The following NRCAM variants were observed in gnomAD, a reference collection of about 807,000 sequenced individuals.
NRCAM encodes the protein NgCAM-related cell adhesion molecule.
NRCAM carries 83 observed loss-of-function variants against 156.5 expected under a neutral mutation model. That is an observed-to-expected ratio of 0.53 (90% CI 0.44 to 0.64). The LOEUF (loss-of-function observed/expected upper bound fraction) is 0.64. Ranked by LOEUF, NRCAM falls within the 30% of genes least tolerant of loss-of-function variation. The probability of loss-of-function intolerance (pLI) is 0.00; values close to 1 mark genes in which losing one functional copy is unlikely to be tolerated. For synonymous variants in NRCAM, 538 were observed against 563.9 expected (o/e 0.95, Z 0.65); for missense variants, 1,417 against 1,597.3 (o/e 0.89, Z 1.92).
Position 108,191,783 on chromosome 7 carries a change from C to T in NRCAM, c.1849G>A (p.Val617Met). The T allele has an allele frequency of 6.2e-7, 1 of 1,614,048 alleles. No homozygotes were observed. The change falls in exon 18 of 33, where the codon GTG (valine) becomes ATG (methionine). Residue 617 changes from valine to methionine, a missense_variant. Physicochemically the swap from Val to Met is conservative, Grantham distance 21. Transcript: ENST00000379028. The stretch of plus-strand genomic sequence containing the variant: ...ACGCTGTCCAGAGTGGTGTTGGCCA[C>T]ACACGTGTAGGTCCCGCTGTCATCG... ...SDDDSGTYTC[V>M]ANTTLDSVSA...
At chr7:108,243,366 G>T (rs772290898) in intron 3 of NRCAM, 1 of 152,336 alleles carries the variant, frequency 6.6e-6, no homozygotes, top group Middle Eastern at 3.4e-3. Flanking sequence ...TTCTCTCGAT[G>T]AGAGTAATGT....
At chr7:108,228,778 G>A (rs1018222699) in intron 8 of NRCAM, among the ~76,000 whole-genome samples, 8 of 152,072 alleles carry the variant, frequency 5.3e-5, no homozygotes, top group African/African-American at 9.7e-5. Context: ...AGTGGTATTC[G>A]GAGAGCATTA....
chr7:108,200,235 C>T (rs1023499054), intron 13 of NRCAM, among the ~76,000 whole-genome samples: 6 of 152,188 alleles, frequency 3.9e-5, no homozygotes, highest in Non-Finnish European at 8.8e-5. Flanking sequence ...CCTTAAGGAA[C>T]ATGTTCTTCC....
At chr7:108,190,092 T>C (rs1012530503) in intron 19 of NRCAM, among the ~76,000 whole-genome samples, 7 of 152,110 alleles carry the variant, frequency 4.6e-5, no homozygotes, top group African/African-American at 1.7e-4. Context: ...TAATTTCTAA[T>C]ACATGGGAAA....
chr7:108,184,289 A>T lies in NRCAM; in HGVS notation c.2256T>A (p.Ala752=). The change falls in exon 22 of 33, where the codon GCT becomes GCA. Residue 752 remains alanine, a synonymous_variant. Transcript: ENST00000379028. ...CAGGCTCTGATCCCAGTCCTTCCAC[A>T]GCTGTGGGGTTTTTATCTGGTTCTG... ...KASEPDKNPT[A]VEGLGSEPDN... is the part of the protein sequence containing the mutation. 2 of 1,614,140 alleles carry T rather than the reference A, an allele frequency of 1.2e-6. No homozygotes were observed. The highest frequency in any genetic ancestry group is 2.2e-5 in the South Asian group (2 of 91,082).
At chr7:108,271,295 T>C (rs1234219637) in intron 3 of NRCAM, among the ~76,000 whole-genome samples, 2 of 152,136 alleles carry the variant, frequency 1.3e-5, no homozygotes, top group African/African-American at 2.4e-5. Context: ...AAAGAGGCTC[T>C]TAAAAGGAAA....
chr7:108,315,516 T>C lies in NRCAM; in HGVS notation c.-173-2785A>G, dbSNP rs1456059487. Among the ~76,000 whole-genome samples the C allele has an allele frequency of 4.6e-5, 7 of 152,128 alleles. No individual in the cohort carries two copies. The East Asian group carries it at 1.2e-3, about 25-fold the overall frequency. ...AAAATACATTCCAAAAAACAGACAG[T>C]ATGGTCTGAGATAAAGCATGTTCTC... is the stretch of plus-strand genomic sequence containing the variant. On this transcript the variant is annotated intron_variant, in intron 2 of 32. Transcript: ENST00000379028.
intron 2 of NRCAM, among the ~76,000 whole-genome samples, chr7:108,326,688 G>A (rs2099072293): frequency 6.6e-6 from 1 of 152,270 alleles, no homozygotes; most frequent in South Asian, 2.1e-4. Flanking sequence ...TCAATATTGT[G>A]TAAGTAAACA....
At chr7:108,433,718 CCAT>C (rs1304373892) in intron 1 of NRCAM, among the ~76,000 whole-genome samples, 1 of 152,190 alleles carries the variant, frequency 6.6e-6, no homozygotes, top group Non-Finnish European at 1.5e-5. Flanking sequence ...TTGCCTCCCA[CCAT>C]GAGTGGAAGC....
In NRCAM at chr7:108,182,906, G is replaced by A. The variant is rs761612559; in HGVS notation, c.2319C>T (p.Phe773=). 8 of 1,614,004 alleles carry A rather than the reference G, an allele frequency of 5.0e-6. No individual in the cohort carries two copies. The highest frequency in any genetic ancestry group is 2.7e-5 in the African/African-American group (2 of 74,920). ...LVITWKPLNG[F]ESNGPGLQYK... ...ACTGAAGGCCTGGCCCATTAGATTC[G>A]AAACCATTCAAGGGCTACAAGGAAA... Residue 773 remains phenylalanine (F), a synonymous_variant, in exon 23 of 33, where the codon TTC becomes TTT. Coordinates refer to ENST00000379028, the MANE Select transcript of NRCAM (RefSeq NM_001037132.4).
intron 3 of NRCAM, among the ~76,000 whole-genome samples, chr7:108,245,462 C>T (rs910931365): frequency 1.3e-5 from 2 of 152,138 alleles, no homozygotes; most frequent in African/African-American, 2.4e-5. Context: ...CTACCACATG[C>T]GGGCCCTGGC....
chr7:108,174,964 T>G (rs1407373236), intron 28 of NRCAM, among the ~76,000 whole-genome samples: 4 of 152,212 alleles, frequency 2.6e-5, no homozygotes, highest in Non-Finnish European at 4.4e-5. Flanking sequence ...CAGGCTGTTT[T>G]CATCACAGGG....
At chr7:108,440,855 TG>T (rs571232471) in intron 1 of NRCAM, among the ~76,000 whole-genome samples, 1 of 152,220 alleles carries the variant, frequency 6.6e-6, no homozygotes, top group Non-Finnish European at 1.5e-5. Context: ...TGTGCTGAAC[TG>T]TTATCTAAAA....
chr7:108,311,767 G>A (rs10274696), intron 3 of NRCAM, among the ~76,000 whole-genome samples: 136,427 of 152,198 alleles, frequency 0.9, 61,221 homozygotes, highest in East Asian at 1. Flanking sequence ...CAATGGATCA[G>A]CCTAAGAATT....
intron 8 of NRCAM, among the ~76,000 whole-genome samples, chr7:108,227,215 G>A (rs982663294): frequency 9.9e-5 from 15 of 152,184 alleles, no homozygotes; most frequent in Non-Finnish European, 1.9e-4. Flanking sequence ...GATTAAGTGA[G>A]TAACCATCAG....
intron 1 of NRCAM, among the ~76,000 whole-genome samples, chr7:108,425,583 A>T (rs539000117): frequency 6.6e-6 from 1 of 152,362 alleles, no homozygotes. Context: ...TGCTGCCTCA[A>T]ATAATTATCC....
rs1312341716 is a variant in NRCAM, at chr7:108,150,000, T to C, written c.3825A>G (p.Gln1275=). ...QFNEDGSFIG[Q]YSGKKEKEPA... ...GCTCTTTCTCTTTCTTACCACTGTA[T>C]TGTCCAATAAAGGAGCCATCCTCAT... The change falls in exon 33 of 33, where the codon CAA becomes CAG. Residue 1275 remains glutamine, a synonymous_variant. Transcript: ENST00000379028. The C allele has an allele frequency of 1.9e-6, 3 of 1,614,088 alleles. No homozygotes were observed. The highest frequency in any genetic ancestry group is 2.5e-6 in the Non-Finnish European group (3 of 1,179,962).
At chr7:108,313,485 C>T (rs577591566) in intron 2 of NRCAM, among the ~76,000 whole-genome samples, 1 of 152,314 alleles carries the variant, frequency 6.6e-6, no homozygotes, top group South Asian at 2.1e-4. Flanking sequence ...CTGAAAAACC[C>T]TTCAGAGAAG....
intron 1 of NRCAM, among the ~76,000 whole-genome samples, chr7:108,429,717 T>C (rs114048434): frequency 6.6e-6 from 1 of 152,368 alleles, no homozygotes; most frequent in African/African-American, 2.4e-5. Context: ...TACTGGCTAC[T>C]ATTTTATGTG....
Sources: gnomAD v4.1 joint callset for allele counts (sites outside exome capture counted in the v4.1 genomes callset) on GRCh38, gnomAD v4.1.1 for gene constraint, MANE v1.5 for transcripts, NCBI Gene and HGNC (gene_info 2026-07-23, HGNC 2026-07-21) for gene names.